The following CHAC1 variants were observed in gnomAD, a reference collection of about 807,000 sequenced individuals.
CHAC1 encodes the protein ChaC glutathione specific gamma-glutamylcyclotransferase 1.
CHAC1 carries 22 observed loss-of-function variants against 22.1 expected under a neutral mutation model. The observed-to-expected ratio is 1.00, with a 90% CI of 0.71 to 1.42. CHAC1 has a LOEUF of 1.42. Ranked by LOEUF, CHAC1 falls within the 40% of genes most tolerant of loss-of-function variation. CHAC1 has a pLI of 0.00. For missense variants in CHAC1, 272 were observed against 299.2 expected, an observed-to-expected ratio of 0.91 and a Z score of 0.67; for synonymous variants, 145 against 128.7, an observed-to-expected ratio of 1.13 and a Z score of -0.86.
rs753016257 is a variant in CHAC1 at position 40,954,272 on chromosome 15, C to T, written c.267+9C>T. 8.1e-6 allele frequency: 13 copies of T among 1,613,934 alleles called. No individual in the cohort carries two copies. In the South Asian group the frequency reaches 1.4e-4, roughly 18 times the overall value. ...TCCTTGAAGATCATGAGGTAAGTGC[C>T]CGAATCATGAAGGGGAACCCTGGCC... On this transcript the variant is annotated intron_variant, in intron 2 of 2. Coordinates refer to ENST00000617768, the MANE Select transcript of CHAC1 (RefSeq NM_024111.6).
At chr15:40,954,079 G>C in intron 1 of CHAC1, 149 bp from the exon 2 acceptor site, 1 of 813,550 alleles carries the variant, frequency 1.2e-6, no homozygotes, top group South Asian at 1.6e-5. Context: ...TCCGTGCATC[G>C]CTCCCCCACC....
chr15:40,953,582 C>T lies in CHAC1; in HGVS notation c.-2C>T, dbSNP rs1290711667. On this transcript the variant is annotated 5_prime_UTR_variant, in exon 1 of 3. Transcript: ENST00000617768. ...CCTGGGCCTATCCCTGTGCCAGGCA[C>T]CATGAAGCAGGAGTCTGCAGCCCCG... is the stretch of plus-strand genomic sequence containing the variant. 6.2e-7 allele frequency: 1 copy of T among 1,610,020 alleles called. No homozygotes were observed.
chr15:40,955,559 T>C lies in CHAC1; in HGVS notation c.454T>C (p.Tyr152His), dbSNP rs1171712058. The C allele has an allele frequency of 6.2e-7, 1 of 1,614,134 alleles. No homozygotes were observed. Among genetic ancestry groups the C allele is most frequent in the Admixed American group, 1.7e-5 (1 of 60,036 alleles). ...TGTGGCCACCCCACAGAACCCTGGT[T>C]ACCTGGGCCCTGCGCCTGAAGAGGC... The part of the protein sequence containing the change: ...AYVATPQNPG[Y>H]LGPAPEEAIA... The change falls in exon 3 of 3, where the codon TAC becomes CAC. Residue 152 changes from tyrosine to histidine, a missense_variant. Transcript: ENST00000617768.
chr15:40,954,812 C>T (rs1893197507), intron 2 of CHAC1, among the ~76,000 whole-genome samples: 1 of 151,878 alleles, frequency 6.6e-6, no homozygotes, highest in Non-Finnish European at 1.5e-5. Flanking sequence ...CCATATTGGC[C>T]AGGCTGGTCT....
At position 40,953,699 on chromosome 15, in the gene CHAC1, G is replaced by A; in HGVS notation, c.116G>A (p.Gly39Asp). 6.2e-7 allele frequency: 1 copy of A among 1,606,798 alleles called. No homozygotes were observed. The change falls in exon 1 of 3, where the codon GGC (glycine) becomes GAC (aspartate). Residue 39 changes from glycine to aspartate, a missense_variant. By Grantham distance (94) the Gly-to-Asp change is moderately conservative. Transcript: ENST00000617768. ...CAAGCGCTGTGGATTTTCGGGTACG[G>A]CTCCCTGGTGTGGAGGCCCGACTTC... ...DPQALWIFGY[G>D]SLVWRPDFAY...
rs1380288799 is a variant in CHAC1, at chr15:40,955,509, A to G, written c.404A>G (p.Asp135Gly). ...ACCTTCTATCCCCAAGATGCTCCTG[A>G]CCAACCACTGAAGGCATTGGCCTAT... ...EVTFYPQDAP[D>G]QPLKALAYVA... Residue 135 changes from aspartate to glycine, a missense_variant, in exon 3 of 3, where the codon GAC becomes GGC. By Grantham distance (94) the Asp-to-Gly change is moderately conservative. Coordinates refer to ENST00000617768, the MANE Select transcript of CHAC1 (RefSeq NM_024111.6). 1 of 1,614,182 alleles carries G rather than the reference A, an allele frequency of 6.2e-7. No homozygotes were observed.
In CHAC1 at chr15:40,955,842, ACAGACT is replaced by A; in HGVS notation, c.*69_*74del. 2.1e-6 allele frequency: 3 copies of A among 1,461,160 alleles called. No individual in the cohort carries two copies. The South Asian group carries it at 4.0e-5, about 20-fold the overall frequency. 90.5% of individuals were successfully genotyped at this position (1,461,160 alleles called of 1,614,324 possible). A position where few individuals can be genotyped will look rare whatever the true frequency, so the allele number is the denominator to read the frequency against. On this transcript the variant is annotated 3_prime_UTR_variant, in exon 3 of 3. Transcript: ENST00000617768. ...CCAGACACCCACTCCAGTGCACAAG[ACAGACT>A]TGCGACCGCTTGAGCCCACTGAGCA...
At position 40,953,653 on chromosome 15, in the gene CHAC1, C is replaced by T; in HGVS notation, c.70C>T (p.Pro24Ser). The T allele has an allele frequency of 6.2e-7, 1 of 1,609,380 alleles. No homozygotes were observed. Among genetic ancestry groups the T allele is most frequent in the South Asian group, 1.1e-5 (1 of 91,092 alleles). The change falls in exon 1 of 3, where the codon CCC becomes TCC. Residue 24 changes from proline to serine, a missense_variant. Coordinates refer to ENST00000617768, the MANE Select transcript of CHAC1 (RefSeq NM_024111.6). The part of the protein sequence containing the change: ...SQSPTPSAQF[P>S]RNDGDPQALW... ...GTCCCCTACGCCGTCCGCTCAGTTC[C>T]CCCGAAACGACGGCGACCCTCAAGC...
Position 40,955,453 on chromosome 15 carries a change from A to C in CHAC1, c.348A>C (p.Ala116=). The change falls in exon 3 of 3, where the codon GCA becomes GCC. Residue 116 remains alanine, a synonymous_variant. Coordinates refer to ENST00000617768, the MANE Select transcript of CHAC1 (RefSeq NM_024111.6). ...KALKYLNVRE[A]VLGGYDTKEV... is the part of the protein sequence containing the mutation. ...TGAAGTACCTGAATGTGCGAGAGGCAGTGCTTGGTGGCTACGATACCAAGG... is the reference window on the plus strand; with the variant it reads ...TGAAGTACCTGAATGTGCGAGAGGCCGTGCTTGGTGGCTACGATACCAAGG... 1.9e-6 allele frequency: 3 copies of C among 1,614,146 alleles called. No homozygotes were observed. The highest frequency in any genetic ancestry group is 2.5e-6 in the Non-Finnish European group (3 of 1,179,994).
chr15:40,954,937 G>C (rs1309377644), intron 2 of CHAC1, among the ~76,000 whole-genome samples: 1 of 148,520 alleles, frequency 6.7e-6, no homozygotes, highest in African/African-American at 2.5e-5. Flanking sequence ...TTTTAAGACG[G>C]AGTCTTACCC....
In CHAC1 at chr15:40,955,517, C is replaced by T. The variant is rs780556428; in HGVS notation, c.412C>T (p.Leu138=). The T allele has an allele frequency of 6.2e-7, 1 of 1,614,086 alleles. No individual in the cohort carries two copies. The highest frequency in any genetic ancestry group is 2.2e-5 in the East Asian group (1 of 44,894). The change falls in exon 3 of 3, where the codon CTG becomes TTG. Residue 138 remains leucine, a synonymous_variant. Coordinates refer to ENST00000617768, the MANE Select transcript of CHAC1 (RefSeq NM_024111.6). ...FYPQDAPDQP[L]KALAYVATPQ... is the part of the protein sequence containing the mutation. ...TCCCCAAGATGCTCCTGACCAACCA[C>T]TGAAGGCATTGGCCTATGTGGCCAC...
rs1253891554 is a variant in CHAC1, at chr15:40,955,543, C to A, written c.438C>A (p.Thr146=). ...QPLKALAYVA[T]PQNPGYLGPA... is the part of the protein sequence containing the mutation. Reference sequence around the variant, plus strand: ...TGAAGGCATTGGCCTATGTGGCCACCCCACAGAACCCTGGTTACCTGGGCC... The same window carrying A: ...TGAAGGCATTGGCCTATGTGGCCACACCACAGAACCCTGGTTACCTGGGCC... The change falls in exon 3 of 3, where the codon ACC becomes ACA. Residue 146 remains threonine (T), a synonymous_variant. Transcript: ENST00000617768. The A allele has an allele frequency of 6.2e-7, 1 of 1,614,186 alleles. No individual in the cohort carries two copies. Among genetic ancestry groups the A allele is most frequent in the Non-Finnish European group, 8.5e-7 (1 of 1,180,040 alleles).
rs371639481 is a variant in CHAC1 at position 40,953,682 on chromosome 15, G to A, written c.99G>A (p.Leu33=). ...FPRNDGDPQA[L]WIFGYGSLVW... Reference sequence around the variant, plus strand: ...GAAACGACGGCGACCCTCAAGCGCTGTGGATTTTCGGGTACGGCTCCCTGG... The same window carrying A: ...GAAACGACGGCGACCCTCAAGCGCTATGGATTTTCGGGTACGGCTCCCTGG... The change falls in exon 1 of 3, where the codon CTG becomes CTA. Residue 33 remains leucine, a synonymous_variant. Coordinates refer to ENST00000617768, the MANE Select transcript of CHAC1 (RefSeq NM_024111.6). 6.2e-6 allele frequency: 10 copies of A among 1,608,086 alleles called. No homozygotes were observed. The African/African-American group carries it at 1.3e-4, about 21-fold the overall frequency.
Position 40,953,471 on chromosome 15 carries a change from A to G in CHAC1, c.-113A>G. ...AAGGGCGCCTCCATGGGGGGCGCTCAGCTGGAGCTACCGAGCGGTGCCAGG... is the reference window on the plus strand; with the variant it reads ...AAGGGCGCCTCCATGGGGGGCGCTCGGCTGGAGCTACCGAGCGGTGCCAGG... On this transcript the variant is annotated 5_prime_UTR_variant, in exon 1 of 3. Coordinates refer to ENST00000617768, the MANE Select transcript of CHAC1 (RefSeq NM_024111.6). 6.7e-7 allele frequency: 1 copy of G among 1,487,360 alleles called. No individual in the cohort carries two copies. The highest frequency in any genetic ancestry group is 8.9e-7 in the Non-Finnish European group (1 of 1,121,404). 92.1% of individuals were successfully genotyped at this position (1,487,360 alleles called of 1,614,324 possible).
intron 1 of CHAC1, 92 bp downstream of exon 1, chr15:40,953,906 A>G: frequency 2.1e-6 from 2 of 958,498 alleles, no homozygotes; most frequent in Non-Finnish European, 3.1e-6. Flanking sequence ...CTCTGGGCCA[A>G]TAGAAAGAAA....
At chr15:40,955,259 G>T in intron 2 of CHAC1, 114 bp from the exon 3 acceptor site, 2 of 1,176,392 alleles carry the variant, frequency 1.7e-6, no homozygotes, top group Non-Finnish European at 1.2e-6. Flanking sequence ...CTCATCAGCC[G>T]ACCACAGCCT....
Position 40,955,246 on chromosome 15 carries a change from T to C in CHAC1, c.268-127T>C, listed in dbSNP as rs1270242638. 16 of 932,876 alleles carry C rather than the reference T, an allele frequency of 1.7e-5. No individual in the cohort carries two copies. The Admixed American group carries it at 2.6e-4, about 15-fold the overall frequency. The allele number at this position is 932,876 out of a possible 1,614,324, so 57.8% of individuals were successfully genotyped here. On this transcript the variant is annotated intron_variant, in intron 2 of 2. Transcript: ENST00000617768. The stretch of plus-strand genomic sequence containing the variant: ...AAGGGCTTGAGGTACTGCCACCAGA[T>C]GGCTCATCAGCCGACCACAGCCTCC...
chr15:40,953,615 C>A lies in CHAC1; in HGVS notation c.32C>A (p.Pro11Gln), dbSNP rs1264442130. Residue 11 changes from proline to glutamine, a missense_variant, in exon 1 of 3, where the codon CCG becomes CAG. Physicochemically the swap from Pro to Gln is moderately conservative, Grantham distance 76 (BLOSUM62 -1). Coordinates refer to ENST00000617768, the MANE Select transcript of CHAC1 (RefSeq NM_024111.6). MKQESAAPNT[P>Q]PTSQSPTPSA... is the part of the protein sequence containing the mutation. Reference sequence around the variant, plus strand: ...CAGGAGTCTGCAGCCCCGAACACCCCGCCCACCTCGCAGTCCCCTACGCCG... The same window carrying A: ...CAGGAGTCTGCAGCCCCGAACACCCAGCCCACCTCGCAGTCCCCTACGCCG... 1 of 1,610,104 alleles carries A rather than the reference C, an allele frequency of 6.2e-7. No homozygotes were observed. Among genetic ancestry groups the A allele is most frequent in the Admixed American group, 1.7e-5 (1 of 60,024 alleles).
chr15:40,954,089 C>T, intron 1 of CHAC1, 139 bp from the exon 2 acceptor site: 1 of 874,174 alleles, frequency 1.1e-6, no homozygotes, highest in Non-Finnish European at 1.8e-6. Context: ...GCTCCCCCAC[C>T]TTCCCCTGCA....
Sources: gnomAD v4.1 joint callset for allele counts (sites outside exome capture counted in the v4.1 genomes callset) on GRCh38, gnomAD v4.1.1 for gene constraint, MANE v1.5 for transcripts, NCBI Gene and HGNC (gene_info 2026-07-23, HGNC 2026-07-21) for gene names.